Variants in KIF11 observed in about 807,000 individuals in gnomAD.
KIF11 encodes the protein kinesin-like protein KIF11.
In KIF11, 9 loss-of-function variants were observed where a neutral mutation model predicts 121.0. The observed-to-expected ratio is 0.07, with a 90% CI of 0.04 to 0.13. The LOEUF is 0.13. Among genes scored for constraint, KIF11 ranks in the 10% least tolerant of loss-of-function variants. The pLI, the probability that KIF11 is intolerant of heterozygous loss-of-function variation, is 1.00. For missense variants in KIF11, 846 were observed against 1,217.5 expected, an observed-to-expected ratio of 0.69 and a Z score of 4.54; for synonymous variants, 408 against 421.0, an observed-to-expected ratio of 0.97 and a Z score of 0.38.
Position 92,633,606 on chromosome 10 carries a change from G to C in KIF11, c.1703-17G>C. On this transcript the variant is annotated splice_polypyrimidine_tract_variant and intron_variant, in intron 13 of 21. Coordinates refer to ENST00000260731, the MANE Select transcript of KIF11 (RefSeq NM_004523.4). ...TTTATGTCAAAGTTTACATCTTTCT[G>C]TTTTTGTTTGTTATAGGTAATCTGC... 6.4e-7 allele frequency: 1 copy of C among 1,562,862 alleles called. No homozygotes were observed. The highest frequency in any genetic ancestry group is 8.7e-7 in the Non-Finnish European group (1 of 1,144,860).
chr10:92,651,507 GTTTTTTTTTTTTTTTTT>G (rs1175303233), intron 21 of KIF11, among the ~76,000 whole-genome samples: 3,493 of 52,984 alleles, frequency 0.066, 322 homozygotes, highest in East Asian at 0.13. Context: ...GGCTAATTTT[GTTTTTTTTTTTTTTTTT>G]TTTTTTTTTT....
intron 1 of KIF11, among the ~76,000 whole-genome samples, chr10:92,602,071 A>G (rs2135898026): frequency 6.6e-6 from 1 of 152,170 alleles, no homozygotes; most frequent in South Asian, 2.1e-4. Context: ...ACATTGATCA[A>G]TTTTTACATG....
In KIF11 at chr10:92,633,071, G is replaced by T. The variant is rs566553022; in HGVS notation, c.1702+378G>T. Among the ~76,000 whole-genome samples the T allele has an allele frequency of 5.0e-5, 7 of 140,488 alleles. No individual in the cohort carries two copies. In the South Asian group the frequency reaches 8.6e-4, roughly 17 times the overall value. The allele number at this position is 140,488 out of a possible 152,430, so 92.2% of individuals were successfully genotyped here. A position where few individuals can be genotyped will look rare whatever the true frequency, so the allele number is the denominator to read the frequency against. On this transcript the variant is annotated intron_variant, in intron 13 of 21. Coordinates refer to ENST00000260731, the MANE Select transcript of KIF11 (RefSeq NM_004523.4). ...GCATAAACATTCTGCAACTTTTTTTGGGGGGGGCATATATATCTTGATGGT... is the reference window on the plus strand; with the variant it reads ...GCATAAACATTCTGCAACTTTTTTTTGGGGGGGCATATATATCTTGATGGT...
At chr10:92,609,287 AGAGAGAGAGAGAGAGAGTGTGT>A (rs1844465539) in intron 5 of KIF11, 76 bp from the exon 6 acceptor site, 13 of 1,347,894 alleles carry the variant, frequency 9.6e-6, no homozygotes, top group Middle Eastern at 2.6e-4. Flanking sequence ...AGAGAGAGAG[AGAGAGAGAGAGAGAGAGTGTGT>A]GTGTGTGTGT....
intron 21 of KIF11, among the ~76,000 whole-genome samples, chr10:92,650,760 T>C (rs1482305151): frequency 6.6e-6 from 1 of 152,140 alleles, no homozygotes; most frequent in Non-Finnish European, 1.5e-5. Flanking sequence ...CTTTAGCTAT[T>C]GTATTTATTC....
intron 1 of KIF11, among the ~76,000 whole-genome samples, chr10:92,601,491 G>A (rs1050913058): frequency 6.6e-6 from 1 of 152,058 alleles, no homozygotes; most frequent in Admixed American, 6.6e-5. Context: ...TTACAGGCGT[G>A]AGCCACCATG....
chr10:92,649,886 C>G lies in KIF11; in HGVS notation c.2822C>G (p.Thr941Ser). 1 of 1,613,132 alleles carries G rather than the reference C, an allele frequency of 6.2e-7. No homozygotes were observed. The highest frequency in any genetic ancestry group is 8.5e-7 in the Non-Finnish European group (1 of 1,179,190). ...TTATACCCATCAACACTGGTAAGAA[C>G]TGAACCACGTGAACATCTCCTTGAT... is the stretch of plus-strand genomic sequence containing the variant. ...SYLYPSTLVR[T>S]EPREHLLDQL... The change falls in exon 20 of 22, where the codon ACT becomes AGT. Residue 941 changes from threonine (T) to serine (S), a missense_variant. Physicochemically the swap from Thr to Ser is moderately conservative, Grantham distance 58. Around this residue, in one of 5 missense-constraint regions of KIF11, gnomAD observed 492 missense variants for 603.4 expected, o/e 0.82. Transcript: ENST00000260731.
In KIF11 at chr10:92,648,388, G is replaced by C; in HGVS notation, c.2724G>C (p.Lys908Asn). Residue 908 changes from lysine (K) to asparagine (N), a missense_variant, in exon 19 of 22, where the codon AAG becomes AAC. Physicochemically the swap from Lys to Asn is moderately conservative, Grantham distance 94 (BLOSUM62 0). Coordinates refer to ENST00000260731, the MANE Select transcript of KIF11 (RefSeq NM_004523.4). ...LNETIKIGLT[K>N]LNCFLEQDLK... ...AAACCATAAAAATTGGTTTGACTAAGCTTAATTGCTTTCTGGAACAGGATC... is the reference window on the plus strand; with the variant it reads ...AAACCATAAAAATTGGTTTGACTAACCTTAATTGCTTTCTGGAACAGGATC... The C allele has an allele frequency of 6.2e-7, 1 of 1,611,354 alleles. No individual in the cohort carries two copies. The highest frequency in any genetic ancestry group is 8.5e-7 in the Non-Finnish European group (1 of 1,178,724).
chr10:92,595,095 G>C (rs762151704), intron 1 of KIF11, among the ~76,000 whole-genome samples: 3 of 152,070 alleles, frequency 2.0e-5, no homozygotes, highest in African/African-American at 7.2e-5. Flanking sequence ...ACGGAGTCTC[G>C]CTCTCTTAGG....
intron 12 of KIF11, among the ~76,000 whole-genome samples, chr10:92,631,296 A>G (rs1358820473): frequency 7.3e-5 from 7 of 96,094 alleles, no homozygotes; most frequent in African/African-American, 2.6e-4. Flanking sequence ...TCTGTTTCAG[A>G]AAAAAAAAAA....
intron 17 of KIF11, among the ~76,000 whole-genome samples, chr10:92,643,502 T>TAA (rs1055605493): frequency 2.6e-5 from 4 of 152,138 alleles, no homozygotes; most frequent in African/African-American, 9.6e-5. Flanking sequence ...AAACACCTAA[T>TAA]ACATTGTTAC....
intron 17 of KIF11, among the ~76,000 whole-genome samples, chr10:92,643,052 C>T (rs760707257): frequency 3.3e-5 from 5 of 152,166 alleles, no homozygotes; most frequent in Non-Finnish European, 7.3e-5. Context: ...GCTGGGGCTA[C>T]AGGCACACAC....
Position 92,613,168 on chromosome 10 carries a change from A to G in KIF11, c.789+38A>G. The G allele has an allele frequency of 6.7e-7, 1 of 1,485,728 alleles. No individual in the cohort carries two copies. Among genetic ancestry groups the G allele is most frequent in the Non-Finnish European group, 9.3e-7 (1 of 1,070,334 alleles). The allele number at this position is 1,485,728 out of a possible 1,614,324, so 92.0% of individuals were successfully genotyped here. ...CTTAATACTACTGTTTCACTCTTAA[A>G]CACCTTATAGAGCAGCTTGAAATTT... On this transcript the variant is annotated intron_variant, in intron 7 of 21. Coordinates refer to ENST00000260731, the MANE Select transcript of KIF11 (RefSeq NM_004523.4). This position sits in a 1 kb window ranked among gnomAD's most constrained non-coding sequence, Gnocchi z 4.2.
Position 92,628,822 on chromosome 10 carries a change from A to G in KIF11, c.1232A>G (p.Lys411Arg). Residue 411 changes from lysine to arginine, a missense_variant, in exon 11 of 22, where the codon AAA becomes AGA. Coordinates refer to ENST00000260731, the MANE Select transcript of KIF11 (RefSeq NM_004523.4). ...CTTTATTTTAGAGTCATGAGTGGAAAATTAACTGTTCAAGAAGAGCAGATT... is the reference window on the plus strand; with the variant it reads ...CTTTATTTTAGAGTCATGAGTGGAAGATTAACTGTTCAAGAAGAGCAGATT... ...SEENFRVMSG[K>R]LTVQEEQIVE... 1 of 1,593,924 alleles carries G rather than the reference A, an allele frequency of 6.3e-7. No individual in the cohort carries two copies. Among genetic ancestry groups the G allele is most frequent in the South Asian group, 1.1e-5 (1 of 89,522 alleles).
intron 1 of KIF11, among the ~76,000 whole-genome samples, chr10:92,598,265 TA>T (rs1191257532): frequency 6.6e-6 from 1 of 152,208 alleles, no homozygotes; most frequent in African/African-American, 2.4e-5. Flanking sequence ...TTTGAGTTAA[TA>T]TTTGTATATT....
intron 8 of KIF11, among the ~76,000 whole-genome samples, chr10:92,614,771 TTTTA>T (rs941903798): frequency 5.8e-4 from 89 of 152,172 alleles, no homozygotes; most frequent in African/African-American, 2.0e-3. Context: ...TAAGTGGAAA[TTTTA>T]TTTATTTATT....
At chr10:92,603,487 C>T (rs1202590478) in intron 1 of KIF11, among the ~76,000 whole-genome samples, 3 of 151,790 alleles carry the variant, frequency 2.0e-5, no homozygotes, top group Admixed American at 2.0e-4. Flanking sequence ...CTGCAGCCTC[C>T]ATCTCCCAGG....
At chr10:92,617,304 A>G (rs1285368450) in intron 9 of KIF11, among the ~76,000 whole-genome samples, 1 of 152,224 alleles carries the variant, frequency 6.6e-6, no homozygotes, top group Non-Finnish European at 1.5e-5. Context: ...GACGTTTCCT[A>G]TAAATGGAAT....
chr10:92,640,705 C>T (rs1207081599), intron 17 of KIF11, among the ~76,000 whole-genome samples: 1 of 152,196 alleles, frequency 6.6e-6, no homozygotes, highest in Non-Finnish European at 1.5e-5. Flanking sequence ...GCTGGGATTG[C>T]AGGCGTGAGC....
Sources: gnomAD v4.1 joint callset for allele counts (sites outside exome capture counted in the v4.1 genomes callset) on GRCh38, gnomAD v4.1.1 for gene constraint, gnomAD v4.1.1 regional missense constraint, Gnocchi (gnomAD v3.1) non-coding constraint, MANE v1.5 for transcripts, NCBI Gene and HGNC (gene_info 2026-07-23, HGNC 2026-07-21) for gene names.